Variants in DRC1 observed in about 807,000 individuals in gnomAD.
DRC1 encodes the protein dynein regulatory complex protein 1.
DRC1 carries 74 observed loss-of-function variants against 98.7 expected under a neutral mutation model. The ratio of observed to expected loss-of-function variants is 0.75; its 90% CI spans 0.62 to 0.91. The LOEUF is 0.91. Ranked by LOEUF, DRC1 falls within the 40% of genes least tolerant of loss-of-function variation. DRC1 has a pLI of 0.00. For synonymous variants in DRC1, 336 were observed against 334.1 expected, an observed-to-expected ratio of 1.01 and a Z score of -0.06; for missense variants, 875 against 886.0, an observed-to-expected ratio of 0.99 and a Z score of 0.16.
intron 12 of DRC1, 140 bp downstream of exon 12, chr2:26,450,225 AC>A (rs754576421): frequency 1.4e-4 from 107 of 751,764 alleles, no homozygotes; most frequent in Admixed American, 2.1e-4. Flanking sequence ...CCTTCCCTTA[AC>A]CTACTCTCCA....
At chr2:26,404,627 C>T (rs1678360708) in intron 1 of DRC1, among the ~76,000 whole-genome samples, 1 of 152,170 alleles carries the variant, frequency 6.6e-6, no homozygotes, top group Admixed American at 6.5e-5. Flanking sequence ...GGCACTAATC[C>T]CCACCAACAC....
chr2:26,440,377 G>A lies in DRC1; in HGVS notation c.889-1G>A. ...TATATATATAGTTTTTTTAACTTTA[G>A]ATTCTTGAGCAGCAGCTTCAGCAGA... is the stretch of plus-strand genomic sequence containing the variant. On this transcript the variant is annotated splice_acceptor_variant, in intron 7 of 16. Transcript: ENST00000288710. LOFTEE classifies it high-confidence loss of function. 6.3e-7 allele frequency: 1 copy of A among 1,594,998 alleles called. No individual in the cohort carries two copies. Among genetic ancestry groups the A allele is most frequent in the Non-Finnish European group, 8.5e-7 (1 of 1,171,104 alleles).
At chr2:26,438,074 A>C (rs192086324) in intron 7 of DRC1, among the ~76,000 whole-genome samples, 1,718 of 146,460 alleles carry the variant, frequency 0.012, 31 homozygotes, top group African/African-American at 0.043. Context: ...CCTGGGCGAG[A>C]AAGACTCTAT....
intron 10 of DRC1, among the ~76,000 whole-genome samples, chr2:26,446,963 G>A (rs761301769): frequency 9.9e-5 from 15 of 152,138 alleles, no homozygotes; most frequent in South Asian, 8.3e-4. Flanking sequence ...CATGGCGTGC[G>A]CCTGTAATCC....
chr2:26,414,835 C>T (rs1678744555), intron 2 of DRC1, among the ~76,000 whole-genome samples: 1 of 152,110 alleles, frequency 6.6e-6, no homozygotes, highest in South Asian at 2.1e-4. Context: ...CTGCTCTGTG[C>T]CTTTGATCAT....
At chr2:26,402,253 G>C in intron 1 of DRC1, 109 bp downstream of exon 1, 2 of 1,429,012 alleles carry the variant, frequency 1.4e-6, no homozygotes, top group Non-Finnish European at 1.8e-6. Flanking sequence ...CAGAGTATGG[G>C]AAAGTAAAAC....
chr2:26,452,301 G>A (rs980493753), intron 13 of DRC1, among the ~76,000 whole-genome samples: 1 of 152,126 alleles, frequency 6.6e-6, no homozygotes, highest in Non-Finnish European at 1.5e-5. Context: ...TGTTGCCCAG[G>A]CTGGAGTGCA....
intron 4 of DRC1, among the ~76,000 whole-genome samples, chr2:26,429,337 T>G (rs1377712158): frequency 6.6e-6 from 1 of 151,906 alleles, no homozygotes; most frequent in East Asian, 1.9e-4. Context: ...CACCTCAGCC[T>G]CCCAAGTAGC....
rs542098538 is a variant in DRC1 at position 26,449,532 on chromosome 2, C to T, written c.1510-464C>T. ...GCGGGCACCGCATCTGCTCAGCCGCCCTCTCCCTTCCACCGCATGTGTGCT... is the reference window on the plus strand; with the variant it reads ...GCGGGCACCGCATCTGCTCAGCCGCTCTCTCCCTTCCACCGCATGTGTGCT... On this transcript the variant is annotated intron_variant, in intron 11 of 16. Transcript: ENST00000288710. Among the ~76,000 whole-genome samples the T allele has an allele frequency of 5.3e-5, 8 of 152,364 alleles. No homozygotes were observed. In the East Asian group the frequency reaches 1.4e-3, roughly 26 times the overall value.
chr2:26,456,404 T>G (rs1572391587), intron 16 of DRC1, 57 bp from the exon 17 acceptor site: 4 of 1,608,722 alleles, frequency 2.5e-6, no homozygotes, highest in Non-Finnish European at 2.6e-6. Context: ...CTCGCAAGGG[T>G]GGCAAAGAAG....
chr2:26,432,159 A>G (rs1663453634), intron 7 of DRC1, among the ~76,000 whole-genome samples, 153 bp downstream of exon 7: 1 of 152,178 alleles, frequency 6.6e-6, no homozygotes, highest in Admixed American at 6.5e-5. Context: ...AAATGTTCAT[A>G]TCTGAAGGAG....
At chr2:26,451,219 T>G (rs1663999884) in intron 13 of DRC1, among the ~76,000 whole-genome samples, 1 of 152,150 alleles carries the variant, frequency 6.6e-6, no homozygotes, top group African/African-American at 2.4e-5. Context: ...GTTCTTATAC[T>G]GAGGCCCAAG....
At chr2:26,453,590 A>G in intron 14 of DRC1, 41 bp downstream of exon 14, 5 of 1,584,568 alleles carry the variant, frequency 3.2e-6, no homozygotes, top group Non-Finnish European at 4.3e-6. Context: ...GACCAGAACC[A>G]GGGGAGCTGG....
chr2:26,454,724 C>T lies in DRC1; in HGVS notation c.1997C>T (p.Thr666Ile), dbSNP rs1558457680. 6.2e-7 allele frequency: 1 copy of T among 1,614,116 alleles called. No homozygotes were observed. The highest frequency in any genetic ancestry group is 2.2e-5 in the East Asian group (1 of 44,870). ...GACTCGGAGTACTGGCAGGCCCTGA[C>T]CACAGTGATCCCTTCCTCCAAGCAG... ...SKDSEYWQAL[T>I]TVIPSSKQNL... Residue 666 changes from threonine (T) to isoleucine (I), a missense_variant, in exon 15 of 17, where the codon ACC becomes ATC. Physicochemically the swap from Thr to Ile is moderately conservative, Grantham distance 89. Coordinates refer to ENST00000288710, the MANE Select transcript of DRC1 (RefSeq NM_145038.5). The surrounding 1 kb of genome is among the most constrained non-coding windows in gnomAD (Gnocchi z 5.2).
chr2:26,450,555 T>G, intron 12 of DRC1, 37 bp from the exon 13 acceptor site: 1 of 1,595,588 alleles, frequency 6.3e-7, no homozygotes, highest in Non-Finnish European at 8.6e-7. Context: ...GGCCTCTTGA[T>G]GGGGTGTTTG....
chr2:26,445,428 T>C (rs182093256), intron 10 of DRC1, among the ~76,000 whole-genome samples: 215 of 152,348 alleles, frequency 1.4e-3, no homozygotes, highest in African/African-American at 2.7e-3. Context: ...ATGCTTATTT[T>C]TTCTCTGTTT....
rs549436007 is a variant in DRC1, at chr2:26,433,858, C to T, written c.888+1852C>T. 1.5e-3 allele frequency among the ~76,000 whole-genome samples: 229 copies of T among 152,102 alleles called. 1 individual carries two copies. Among genetic ancestry groups the T allele is most frequent in the African/African-American group, 5.2e-3 (217 of 41,488 alleles). On this transcript the variant is annotated intron_variant, in intron 7 of 16. Transcript: ENST00000288710. ...GCAGAAAGGGGTCACAGAGCCTTTG[C>T]GTCCTAGTTCTTTCCTGTGTCAGAT...
intron 4 of DRC1, among the ~76,000 whole-genome samples, chr2:26,426,832 G>A (rs1395086133): frequency 1.3e-5 from 2 of 152,148 alleles, no homozygotes; most frequent in African/African-American, 4.8e-5. Context: ...GGACTGCACT[G>A]AATCTATAGA....
Position 26,424,465 on chromosome 2 carries a change from C to CG in DRC1, c.540+14dup. 6.3e-7 allele frequency: 1 copy of CG among 1,598,094 alleles called. No homozygotes were observed. The highest frequency in any genetic ancestry group is 8.6e-7 in the Non-Finnish European group (1 of 1,168,894). Reference sequence around the variant, plus strand: ...AGCGAGTTACAGCAGGCAAGAGGCCCGGGCCCTCCAGCCCAGCCACAGGGG... The same window carrying CG: ...AGCGAGTTACAGCAGGCAAGAGGCCCGGGGCCCTCCAGCCCAGCCACAGGGG... On this transcript the variant is annotated intron_variant, in intron 4 of 16. Transcript: ENST00000288710.
Sources: gnomAD v4.1 joint callset for allele counts (sites outside exome capture counted in the v4.1 genomes callset) on GRCh38, gnomAD v4.1.1 for gene constraint, Gnocchi (gnomAD v3.1) non-coding constraint, MANE v1.5 for transcripts, NCBI Gene and HGNC (gene_info 2026-07-23, HGNC 2026-07-21) for gene names.